DENND1A: variants seen among roughly 807,000 people sequenced by gnomAD.
The protein encoded by DENND1A is DENN domain-containing protein 1A.
DENND1A carries 51 observed loss-of-function variants against 113.7 expected under a neutral mutation model. That is an observed-to-expected ratio of 0.45 (90% CI 0.36 to 0.57). The LOEUF is 0.57. Ranked by LOEUF, DENND1A falls within the 20% of genes least tolerant of loss-of-function variation. DENND1A has a pLI of 0.00. For synonymous variants in DENND1A, 565 were observed against 570.8 expected, an observed-to-expected ratio of 0.99 and a Z score of 0.14; for missense variants, 1,258 against 1,395.9, an observed-to-expected ratio of 0.90 and a Z score of 1.57.
intron 8 of DENND1A, among the ~76,000 whole-genome samples, chr9:123,656,132 T>G (rs1457361048): frequency 6.6e-6 from 1 of 152,186 alleles, no homozygotes; most frequent in African/African-American, 2.4e-5. Flanking sequence ...ACATTTGGTC[T>G]GGGCCTCCAA....
intron 13 of DENND1A, among the ~76,000 whole-genome samples, chr9:123,540,584 C>T (rs1186930548): frequency 6.6e-6 from 1 of 152,150 alleles, no homozygotes; most frequent in African/African-American, 2.4e-5. Context: ...CCTTTGAGCC[C>T]AGCAGTCACA....
In DENND1A at chr9:123,630,467, A is replaced by G; in HGVS notation, c.628T>C (p.Cys210Arg). 1 of 1,585,942 alleles carries G rather than the reference A, an allele frequency of 6.3e-7. No individual in the cohort carries two copies. The highest frequency in any genetic ancestry group is 2.3e-5 in the East Asian group (1 of 43,944). The change falls in exon 10 of 24, where the codon TGC becomes CGC. Residue 210 changes from cysteine to arginine, a missense_variant. By Grantham distance (180) the Cys-to-Arg change is radical. Coordinates refer to ENST00000394215, the MANE Select transcript of DENND1A (RefSeq NM_001352964.2). ...AGCATCGCCGCAGACCCGTGGATGC[A>G]GGCAGTCAGCTGGAACAGAGCAAAG... ...ICSKLSTLTA[C>R]IHGSAAMLYP...
intron 13 of DENND1A, among the ~76,000 whole-genome samples, chr9:123,552,174 G>A (rs1388648250): frequency 2.0e-5 from 3 of 152,072 alleles, no homozygotes; most frequent in African/African-American, 7.2e-5. Flanking sequence ...GCCAGAGCTC[G>A]ACCCCTCCTT....
At chr9:123,589,855 T>C (rs981659711) in intron 11 of DENND1A, among the ~76,000 whole-genome samples, 7 of 151,922 alleles carry the variant, frequency 4.6e-5, no homozygotes, top group Admixed American at 4.6e-4. Context: ...GTATGGGGAG[T>C]GGTCAGGGGC....
At chr9:123,719,902 A>G (rs756762522) in intron 5 of DENND1A, among the ~76,000 whole-genome samples, 5 of 152,184 alleles carry the variant, frequency 3.3e-5, no homozygotes, top group Non-Finnish European at 5.9e-5. Flanking sequence ...ACTCTAGAAC[A>G]TTTCGGATTT....
intron 3 of DENND1A, among the ~76,000 whole-genome samples, chr9:123,787,464 C>A (rs978584133): frequency 2.0e-5 from 3 of 152,176 alleles, no homozygotes; most frequent in African/African-American, 7.2e-5. Context: ...ATACAAGTTG[C>A]AAGTCTTGTT....
intron 2 of DENND1A, among the ~76,000 whole-genome samples, chr9:123,848,753 G>A (rs1476909962): frequency 1.3e-5 from 2 of 152,260 alleles, no homozygotes; most frequent in South Asian, 2.1e-4. Flanking sequence ...AAATGTTCTT[G>A]AAGAAAAAGA....
intron 2 of DENND1A, among the ~76,000 whole-genome samples, chr9:123,806,018 A>C (rs573327883): frequency 1.3e-5 from 2 of 152,108 alleles, no homozygotes; most frequent in African/African-American, 2.4e-5. Flanking sequence ...CAGTGGCACT[A>C]TCTCTCCTCA....
intron 5 of DENND1A, among the ~76,000 whole-genome samples, chr9:123,733,006 A>G (rs927276339): frequency 2.0e-5 from 3 of 152,156 alleles, no homozygotes; most frequent in African/African-American, 4.8e-5. Flanking sequence ...TTGAGATGGG[A>G]GTTTTGCTCT....
intron 2 of DENND1A, among the ~76,000 whole-genome samples, chr9:123,820,564 G>C (rs553394110): frequency 1.3e-5 from 2 of 152,288 alleles, no homozygotes; most frequent in South Asian, 4.1e-4. Context: ...TACATCTCAT[G>C]GAGCAGAACC....
At chr9:123,892,268 T>C (rs1588115189) in intron 1 of DENND1A, among the ~76,000 whole-genome samples, 1 of 152,304 alleles carries the variant, frequency 6.6e-6, no homozygotes, top group African/African-American at 2.4e-5. Flanking sequence ...ATGTTCATGG[T>C]GCATTGGATA....
intron 13 of DENND1A, among the ~76,000 whole-genome samples, chr9:123,487,627 G>A (rs1424677953): frequency 6.6e-6 from 1 of 152,100 alleles, no homozygotes; most frequent in African/African-American, 2.4e-5. Context: ...GGTCTTTCCT[G>A]AGATCCCTTT....
chr9:123,690,052 A>AGGAGGGAGGGAG (rs1299187082), intron 5 of DENND1A, among the ~76,000 whole-genome samples: 4 of 103,810 alleles, frequency 3.9e-5, no homozygotes, highest in Non-Finnish European at 5.7e-5. Context: ...GAAGAAGGAA[A>AGGAGGGAGGGAG]GGAGGGAGGG....
At chr9:123,743,573 A>G (rs2069204473) in intron 5 of DENND1A, among the ~76,000 whole-genome samples, 1 of 150,874 alleles carries the variant, frequency 6.6e-6, no homozygotes. Context: ...CTCTACTAAA[A>G]CTACAAAACT....
At chr9:123,784,271 G>C (rs1831770427) in intron 3 of DENND1A, among the ~76,000 whole-genome samples, 1 of 152,140 alleles carries the variant, frequency 6.6e-6, no homozygotes, top group Non-Finnish European at 1.5e-5. Context: ...CAAGAGTTTT[G>C]ACTAAAGAGA....
intron 9 of DENND1A, among the ~76,000 whole-genome samples, chr9:123,646,913 G>A (rs577256076): frequency 1.7e-4 from 26 of 152,214 alleles, no homozygotes; most frequent in African/African-American, 5.8e-4. Flanking sequence ...CCAGGAAGCT[G>A]AGCAAAGTGG....
rs28639402 is a variant in DENND1A, at chr9:123,599,468, A to G, written c.765+9968T>C. Among the ~76,000 whole-genome samples, 1,317 of 152,316 alleles carry G rather than the reference A, an allele frequency of 8.6e-3. 18 individuals carry two copies. The highest frequency in any genetic ancestry group is 0.03 in the African/African-American group (1,246 of 41,552). On this transcript the variant is annotated intron_variant, in intron 11 of 23. Coordinates refer to ENST00000394215, the MANE Select transcript of DENND1A (RefSeq NM_001352964.2). ...TAGAGATGCCTATTGGAAATATTTT[A>G]TTCATAATAATAGCTACCAGAGGGT...
chr9:123,604,794 T>C (rs541925693), intron 11 of DENND1A, among the ~76,000 whole-genome samples: 28 of 152,114 alleles, frequency 1.8e-4, no homozygotes, highest in Non-Finnish European at 3.8e-4. Flanking sequence ...CCCTAGGACA[T>C]GAGGATGATG....
chr9:123,552,429 G>A (rs1364930344), intron 13 of DENND1A, among the ~76,000 whole-genome samples: 9 of 152,240 alleles, frequency 5.9e-5, no homozygotes, highest in South Asian at 2.1e-4. Flanking sequence ...GGTCCAGGGA[G>A]GCAGAAGCAG....
Sources: allele counts gnomAD v4.1 joint callset (sites outside exome capture counted in the v4.1 genomes callset), GRCh38; gene constraint gnomAD v4.1.1; transcripts MANE v1.5; gene names NCBI Gene and HGNC (gene_info 2026-07-23, HGNC 2026-07-21).